NABP2: variants seen among roughly 807,000 people sequenced by gnomAD.
NABP2 encodes the protein SOSS complex subunit B1.
In NABP2, 7 loss-of-function variants were observed where a neutral mutation model predicts 22.7. The observed-to-expected ratio is 0.31, with a 90% CI of 0.18 to 0.58. NABP2 has a LOEUF of 0.58. NABP2 is among the 20% of genes least tolerant of loss of function. The probability of loss-of-function intolerance (pLI) is 0.89; values close to 1 mark genes in which losing one functional copy is unlikely to be tolerated. For synonymous variants in NABP2, 107 were observed against 99.2 expected, an observed-to-expected ratio of 1.08 and a Z score of -0.47; for missense variants, 188 against 265.9, an observed-to-expected ratio of 0.71 and a Z score of 2.04.
chr12:56,222,659 C>T (rs1869550572), upstream of NABP2, among the ~76,000 whole-genome samples: 1 of 152,132 alleles, frequency 6.6e-6, no homozygotes, highest in South Asian at 2.1e-4. Flanking sequence ...CTAAAGAGCT[C>T]CGTGAGCAGA....
intron 4 of NABP2, 33 bp downstream of exon 4, chr12:56,225,728 G>A: frequency 2.5e-6 from 4 of 1,610,232 alleles, no homozygotes; most frequent in Non-Finnish European, 3.4e-6. Flanking sequence ...GGATGAAGAA[G>A]CACCAGGGCA....
chr12:56,226,185 T>C lies in NABP2; in HGVS notation c.297T>C (p.Cys99=), dbSNP rs745397364. 4 of 1,614,098 alleles carry C rather than the reference T, an allele frequency of 2.5e-6. No homozygotes were observed. The highest frequency in any genetic ancestry group is 1.7e-6 in the Non-Finnish European group (2 of 1,180,006). The change falls in exon 5 of 7, where the codon TGT becomes TGC. Residue 99 remains cysteine (C), a synonymous_variant. Transcript: ENST00000267023. ...CTACTTTCTTCCCTTGCAGATTCTG[T>C]ATGGTTTATTCTGAGGTTCCTAACT... The part of the protein sequence containing the change: ...GGDLQKIGEF[C]MVYSEVPNFS...
At position 56,225,690 on chromosome 12, in the gene NABP2, TG is replaced by T; in HGVS notation, c.287del (p.Gly96GlufsTer60). ...GCCGTGGGGGTGATCTGCAGAAGAT[TG>T]GAGAGTAAGTGCTGTCTTGGGGATT... ...TGRGGDLQKI[G>X]EFCMVYSEVP... is the part of the protein sequence containing the mutation. On this transcript the variant is annotated frameshift_variant, in exon 4 of 7. Coordinates refer to ENST00000267023, the MANE Select transcript of NABP2 (RefSeq NM_024068.4). LOFTEE classifies it high-confidence loss of function. 1 of 1,614,126 alleles carries T rather than the reference TG, an allele frequency of 6.2e-7. No individual in the cohort carries two copies. Among genetic ancestry groups the T allele is most frequent in the Non-Finnish European group, 8.5e-7 (1 of 1,180,020 alleles).
At chr12:56,224,176 C>A, upstream of NABP2, 1 of 283,364 alleles carries the variant, frequency 3.5e-6, no homozygotes, top group Non-Finnish European at 5.3e-6. Flanking sequence ...CCCTACAGAG[C>A]CAACTATCTC....
chr12:56,227,613 G>T (rs1869834426), intron 6 of NABP2, among the ~76,000 whole-genome samples: 6 of 152,122 alleles, frequency 3.9e-5, no homozygotes, highest in Admixed American at 3.9e-4. Context: ...GTCCAGAGTT[G>T]TGAGAGCTCA....
chr12:56,228,346 C>T (rs1257207559), intron 6 of NABP2, among the ~76,000 whole-genome samples: 3 of 151,458 alleles, frequency 2.0e-5, no homozygotes, highest in African/African-American at 7.3e-5. Flanking sequence ...TTCCCCTTGC[C>T]ATGCTTCTCC....
intron 6 of NABP2, 151 bp downstream of exon 6, chr12:56,226,570 T>TC: frequency 1.5e-6 from 1 of 685,322 alleles, no homozygotes; most frequent in Middle Eastern, 4.0e-4. Flanking sequence ...TTTTTTTTTT[T>TC]TTTTTTTTTT....
Position 56,229,218 on chromosome 12 carries a change from A to G in NABP2, c.*5A>G, listed in dbSNP as rs775027731. On this transcript the variant is annotated 3_prime_UTR_variant, in exon 7 of 7. Transcript: ENST00000267023. Reference sequence around the variant, plus strand: ...CGGAGGAGCAGCAAGAGATAGCATGACATTCTTTCTTCCTGCCACCAACCA... The same window carrying G: ...CGGAGGAGCAGCAAGAGATAGCATGGCATTCTTTCTTCCTGCCACCAACCA... The G allele has an allele frequency of 1.2e-6, 2 of 1,612,072 alleles. No individual in the cohort carries two copies. The highest frequency in any genetic ancestry group is 2.2e-5 in the East Asian group (1 of 44,878).
chr12:56,228,940 A>G (rs1305228756), intron 6 of NABP2, 74 bp from the exon 7 acceptor site: 20 of 1,380,578 alleles, frequency 1.4e-5, no homozygotes, highest in Non-Finnish European at 2.0e-5. Context: ...TCTTTGGGGC[A>G]TGGAGACAGG....
At chr12:56,224,981 A>T in intron 2 of NABP2, 46 bp downstream of exon 2, 2 of 1,300,510 alleles carry the variant, frequency 1.5e-6, no homozygotes, top group Non-Finnish European at 2.2e-6. Flanking sequence ...GGTCGGGGGC[A>T]GGAGGGGAAG....
upstream of NABP2, among the ~76,000 whole-genome samples, chr12:56,222,377 C>T (rs746284932): frequency 2.0e-4 from 30 of 152,158 alleles, no homozygotes; most frequent in Non-Finnish European, 4.1e-4. Flanking sequence ...GTTAACAAGG[C>T]GGCCGCGGGG....
At chr12:56,224,564 T>C in intron 1 of NABP2, 123 bp downstream of exon 1, 3 of 1,220,114 alleles carry the variant, frequency 2.5e-6, no homozygotes, top group African/African-American at 1.5e-5. Context: ...TCCCTACCCC[T>C]GTCTACGTCG....
intron 6 of NABP2, among the ~76,000 whole-genome samples, chr12:56,226,650 C>G (rs1335032385): frequency 1.4e-5 from 2 of 144,316 alleles, no homozygotes; most frequent in African/African-American, 2.5e-5. Flanking sequence ...ACTGCAACCT[C>G]CGCCTCCCAG....
chr12:56,227,557 G>C (rs1052040473), intron 6 of NABP2, among the ~76,000 whole-genome samples: 1 of 152,196 alleles, frequency 6.6e-6, no homozygotes, highest in African/African-American at 2.4e-5. Flanking sequence ...ACAGGAGAGA[G>C]ATAATGATTA....
chr12:56,224,090 G>A (rs539357394), upstream of NABP2, among the ~76,000 whole-genome samples: 1 of 152,374 alleles, frequency 6.6e-6, no homozygotes, highest in African/African-American at 2.4e-5. Flanking sequence ...AAACGTCTTA[G>A]AACCTAAGTG....
chr12:56,226,218 G>T lies in NABP2; in HGVS notation c.330G>T (p.Glu110Asp). 1 of 1,614,146 alleles carries T rather than the reference G, an allele frequency of 6.2e-7. No homozygotes were observed. The change falls in exon 5 of 7, where the codon GAG (glutamate) becomes GAT (aspartate). Residue 110 changes from glutamate (E) to aspartate (D), a missense_variant. Transcript: ENST00000267023. ...MVYSEVPNFS[E>D]PNPEYSTQQA... ...ATTCTGAGGTTCCTAACTTCAGTGAGCCAAACCCAGAGTACAGCACCCAGC... is the reference window on the plus strand; with the variant it reads ...ATTCTGAGGTTCCTAACTTCAGTGATCCAAACCCAGAGTACAGCACCCAGC...
upstream of NABP2, among the ~76,000 whole-genome samples, chr12:56,222,760 T>C (rs1869555753): frequency 6.6e-6 from 1 of 152,214 alleles, no homozygotes; most frequent in African/African-American, 2.4e-5. Flanking sequence ...ATTGTGGACA[T>C]TGGCTAAGCA....
chr12:56,224,462 A>C, intron 1 of NABP2, 21 bp downstream of exon 1: 2 of 1,035,410 alleles, frequency 1.9e-6, no homozygotes, highest in Non-Finnish European at 2.3e-6. Context: ...GGCTGCGGGT[A>C]GGGGAGGGGA....
In NABP2 at chr12:56,229,192, C is replaced by T. The variant is rs776472838; in HGVS notation, c.615C>T (p.Thr205=). Residue 205 remains threonine, a synonymous_variant, in exon 7 of 7, where the codon ACC becomes ACT. Transcript: ENST00000267023. The part of the protein sequence containing the change: ...SSNPVSNGKE[T]RRSSKR ...ACCCTGTTAGTAACGGCAAAGAAAC[C>T]CGGAGGAGCAGCAAGAGATAGCATG... The T allele has an allele frequency of 1.9e-6, 3 of 1,584,336 alleles. No individual in the cohort carries two copies. The highest frequency in any genetic ancestry group is 2.6e-6 in the Non-Finnish European group (3 of 1,161,956).
Sources: gnomAD v4.1 joint callset for allele counts (sites outside exome capture counted in the v4.1 genomes callset) on GRCh38, gnomAD v4.1.1 for gene constraint, MANE v1.5 for transcripts, NCBI Gene and HGNC (gene_info 2026-07-23, HGNC 2026-07-21) for gene names.